WDR41: variants seen among roughly 807,000 people sequenced by gnomAD.
The protein encoded by WDR41 is WD repeat-containing protein 41.
Under a neutral mutation model 69.3 loss-of-function variants are expected in WDR41, and 63 were observed. The ratio of observed to expected loss-of-function variants is 0.91; its 90% CI spans 0.74 to 1.12. The LOEUF is 1.12. Among genes scored for constraint, WDR41 ranks in the 50% most tolerant of loss-of-function variants. The pLI, the probability that WDR41 is intolerant of heterozygous loss-of-function variation, is 0.00. For synonymous variants in WDR41, 185 were observed against 192.1 expected (o/e 0.96, Z 0.31); for missense variants, 543 against 534.5 (o/e 1.02, Z -0.16).
rs538989715 is a variant in WDR41, at chr5:77,580,562, A to G, written c.42+39917T>C. On this transcript the variant is annotated intron_variant, in intron 1 of 5. Transcript: ENST00000509971. ...CAACCTCAAAAAATTACAAGAAAAT[A>G]TAGTGAAAAAATCATGAAAGAAATG... Among the ~76,000 whole-genome samples, 3 of 136,336 alleles carry G rather than the reference A, an allele frequency of 2.2e-5. No homozygotes were observed. The South Asian group carries it at 7.1e-4, about 32-fold the overall frequency. The allele number at this position is 136,336 out of a possible 152,430, so 89.4% of individuals were successfully genotyped here.
chr5:77,545,950 G>A lies in WDR41; in HGVS notation c.43-56378C>T, dbSNP rs1181584592. ...ATCCCTTGCAAGGTGACAGGCCGCTGTGGCTCCGTGCTGGTGACCTCATCC... is the reference window on the plus strand; with the variant it reads ...ATCCCTTGCAAGGTGACAGGCCGCTATGGCTCCGTGCTGGTGACCTCATCC... On this transcript the variant is annotated intron_variant, in intron 1 of 5. Coordinates refer to the WDR41 transcript ENST00000509971. 5 of 491,624 alleles carry A rather than the reference G, an allele frequency of 1.0e-5. No individual in the cohort carries two copies. The Admixed American group carries it at 1.1e-4, about 11-fold the overall frequency. The allele number at this position is 491,624 out of a possible 1,614,324, so 30.5% of individuals were successfully genotyped here.
chr5:77,613,768 T>A (rs1744615397), intron 1 of WDR41, among the ~76,000 whole-genome samples: 2 of 152,142 alleles, frequency 1.3e-5, no homozygotes, highest in Admixed American at 6.6e-5. Flanking sequence ...CCAAAAGCAA[T>A]GGCAACAAAA....
chr5:77,495,942 G>A (rs555606769), upstream of WDR41, among the ~76,000 whole-genome samples: 15 of 151,940 alleles, frequency 9.9e-5, no homozygotes, highest in East Asian at 1.9e-4. Context: ...GATTTATTCC[G>A]GGAATGGAAG....
chr5:77,566,843 C>G (rs1310499109), intron 1 of WDR41, among the ~76,000 whole-genome samples: 1 of 152,084 alleles, frequency 6.6e-6, no homozygotes, highest in Non-Finnish European at 1.5e-5. Context: ...GCCTGGGGGT[C>G]TGGTTTTCCT....
intron 1 of WDR41, among the ~76,000 whole-genome samples, chr5:77,549,536 A>G (rs1743259309): frequency 6.6e-6 from 1 of 152,134 alleles, no homozygotes; most frequent in Admixed American, 6.5e-5. Flanking sequence ...CACCCCCAAA[A>G]AAACAAACCT....
intron 1 of WDR41, among the ~76,000 whole-genome samples, chr5:77,575,914 G>T (rs548325222): frequency 6.7e-4 from 102 of 152,266 alleles, no homozygotes; most frequent in African/African-American, 2.3e-3. Flanking sequence ...CAAAATCCTT[G>T]ATCCCAAGAA....
chr5:77,508,299 G>T (rs774122357), intron 1 of WDR41, among the ~76,000 whole-genome samples: 3 of 151,808 alleles, frequency 2.0e-5, no homozygotes, highest in Non-Finnish European at 4.4e-5. Context: ...TTTTTGTAGC[G>T]ACAGGGTTTC....
intron 9 of WDR41, among the ~76,000 whole-genome samples, chr5:77,440,355 A>T (rs1799109579): frequency 1.3e-5 from 2 of 152,218 alleles, no homozygotes; most frequent in Admixed American, 1.3e-4. Context: ...GTGCTTCAAG[A>T]GCATCACTCC....
At chr5:77,522,237 T>G (rs992011611) in intron 1 of WDR41, among the ~76,000 whole-genome samples, 9 of 151,750 alleles carry the variant, frequency 5.9e-5, no homozygotes, top group African/African-American at 2.2e-4. Context: ...AGCTATGGAG[T>G]TGAGGAAAAC....
rs562943607 is a variant in WDR41, at chr5:77,605,448, G to T, written c.42+15031C>A. Among the ~76,000 whole-genome samples, 9 of 152,344 alleles carry T rather than the reference G, an allele frequency of 5.9e-5. No homozygotes were observed. In the South Asian group the frequency reaches 1.9e-3, roughly 32 times the overall value. On this transcript the variant is annotated intron_variant, in intron 1 of 5. Coordinates refer to the WDR41 transcript ENST00000509971. ...CCTCTGGGAGTGGTGTGTGGTGGAA[G>T]TTGCCCAATATCAAATCCTCTTCCT...
chr5:77,455,086 T>G (rs952507266), intron 5 of WDR41, among the ~76,000 whole-genome samples: 2 of 152,204 alleles, frequency 1.3e-5, no homozygotes, highest in African/African-American at 4.8e-5. Context: ...GTGGCTGTAT[T>G]GTATCATTCT....
At position 77,544,268 on chromosome 5, in the gene WDR41, A is replaced by G. The variant is rs559668380; in HGVS notation, c.43-54696T>C. Among the ~76,000 whole-genome samples, 40 of 152,228 alleles carry G rather than the reference A, an allele frequency of 2.6e-4. No individual in the cohort carries two copies. The South Asian group carries it at 7.9e-3, about 30-fold the overall frequency. ...AAAAACAAAAACAAAAAAACAAAAA[A>G]TCAAGGTATACAGGCAACGAATAGC... On this transcript the variant is annotated intron_variant, in intron 1 of 5. Transcript: ENST00000509971.
intron 8 of WDR41, among the ~76,000 whole-genome samples, chr5:77,445,011 G>C (rs1449148845): frequency 6.6e-6 from 1 of 151,822 alleles, no homozygotes; most frequent in African/African-American, 2.4e-5. Context: ...CTGGTTTTTT[G>C]AAAAAATTAA....
intron 1 of WDR41, among the ~76,000 whole-genome samples, chr5:77,616,011 A>T (rs575282836): frequency 0.021 from 2,627 of 122,856 alleles, 74 homozygotes; most frequent in African/African-American, 0.064. Flanking sequence ...ATAAATAAAT[A>T]AATAAATTAA....
intron 1 of WDR41, among the ~76,000 whole-genome samples, chr5:77,544,105 A>T (rs563108556): frequency 2.6e-5 from 4 of 152,282 alleles, no homozygotes; most frequent in Non-Finnish European, 5.9e-5. Context: ...TGCTGAAAGA[A>T]TTTGCCACTA....
At chr5:77,602,934 T>G (rs1456393736) in intron 1 of WDR41, among the ~76,000 whole-genome samples, 4 of 149,574 alleles carry the variant, frequency 2.7e-5, no homozygotes, top group African/African-American at 1.0e-4. Context: ...TCTGTTATTT[T>G]TTTGTCTTTT....
intron 1 of WDR41, among the ~76,000 whole-genome samples, chr5:77,598,644 C>CCTTTTTTTTT (rs1433590220): frequency 8.2e-6 from 1 of 121,358 alleles, no homozygotes; most frequent in African/African-American, 2.9e-5. Flanking sequence ...AGTAAGTTTC[C>CCTTTTTTTTT]TTTTTTTTTT....
intron 1 of WDR41, among the ~76,000 whole-genome samples, chr5:77,573,636 T>C (rs1239241845): frequency 2.0e-5 from 3 of 152,184 alleles, no homozygotes; most frequent in Admixed American, 2.0e-4. Context: ...CACTAAAGTA[T>C]GCACAGCATC....
intron 1 of WDR41, among the ~76,000 whole-genome samples, chr5:77,610,663 C>T (rs1428029408): frequency 3.3e-5 from 5 of 152,196 alleles, no homozygotes; most frequent in African/African-American, 9.7e-5. Context: ...AAGCACTAAA[C>T]ATGGAAAGGA....
Sources: allele counts gnomAD v4.1 joint callset (sites outside exome capture counted in the v4.1 genomes callset), GRCh38; gene constraint gnomAD v4.1.1; transcripts MANE v1.5; gene names NCBI Gene and HGNC (gene_info 2026-07-23, HGNC 2026-07-21).